The following TEK variants were observed in gnomAD, a reference collection of about 807,000 sequenced individuals.
TEK encodes the protein angiopoietin-1 receptor.
TEK carries 43 observed loss-of-function variants against 131.8 expected under a neutral mutation model. The ratio of observed to expected loss-of-function variants is 0.33; its 90% CI spans 0.26 to 0.42. The LOEUF (loss-of-function observed/expected upper bound fraction) is 0.42. Ranked by LOEUF, TEK falls within the 10% of genes least tolerant of loss-of-function variation. The pLI, the probability that TEK is intolerant of heterozygous loss-of-function variation, is 1.00. For missense variants in TEK, 1,162 were observed against 1,384.4 expected, an observed-to-expected ratio of 0.84 and a Z score of 2.55; for synonymous variants, 580 against 491.6, an observed-to-expected ratio of 1.18 and a Z score of -2.38.
chr9:27,208,365 G>T (rs79179509), intron 15 of TEK, among the ~76,000 whole-genome samples: 5,362 of 151,636 alleles, frequency 0.035, 128 homozygotes, highest in South Asian at 0.062. Flanking sequence ...TTTTAAAGCA[G>T]CCATAGCTCA....
At chr9:27,183,417 C>T (rs758685343) in intron 7 of TEK, 42 bp from the exon 8 acceptor site, 26 of 1,605,068 alleles carry the variant, frequency 1.6e-5, no homozygotes, top group Admixed American at 3.3e-5. Context: ...GCTGCTGGCT[C>T]TGTTAAATAT....
chr9:27,206,857 C>T, intron 15 of TEK, 65 bp downstream of exon 15: 1 of 1,550,140 alleles, frequency 6.5e-7, no homozygotes. Context: ...ATTTCCTGCT[C>T]ATTCTTTCCT....
At chr9:27,166,316 A>G (rs1823728960) in intron 2 of TEK, among the ~76,000 whole-genome samples, 1 of 152,272 alleles carries the variant, frequency 6.6e-6, no homozygotes, top group African/African-American at 2.4e-5. Context: ...ATGAATATTC[A>G]ACAGATCTCT....
At chr9:27,221,221 ATTCT>A (rs1826063100) in intron 21 of TEK, among the ~76,000 whole-genome samples, 1 of 152,190 alleles carries the variant, frequency 6.6e-6, no homozygotes, top group Non-Finnish European at 1.5e-5. Context: ...GCCTCTCTAG[ATTCT>A]TTCTATCTGG....
At position 27,180,322 on chromosome 9, in the gene TEK, A is replaced by G. The variant is rs1344915319; in HGVS notation, c.984A>G (p.Gly328=). The stretch of plus-strand genomic sequence containing the variant: ...GGGAGATGTGTGATCGCTTCCAAGG[A>G]TGTCTCTGCTCTCCAGGATGGCAGG... ...NNGEMCDRFQ[G]CLCSPGWQGL... The change falls in exon 7 of 23, where the codon GGA becomes GGG. Residue 328 remains glycine (G), a synonymous_variant. Transcript: ENST00000380036. 3 of 1,613,622 alleles carry G rather than the reference A, an allele frequency of 1.9e-6. No homozygotes were observed. Among genetic ancestry groups the G allele is most frequent in the Non-Finnish European group, 2.5e-6 (3 of 1,179,844 alleles).
intron 6 of TEK, 136 bp from the exon 7 acceptor site, chr9:27,180,104 C>A: frequency 7.9e-7 from 1 of 1,264,514 alleles, no homozygotes; most frequent in Non-Finnish European, 1.1e-6. Flanking sequence ...CCTGGTAATT[C>A]AGATAAATTA....
At chr9:27,177,419 A>G (rs1269934243) in intron 6 of TEK, among the ~76,000 whole-genome samples, 1 of 152,072 alleles carries the variant, frequency 6.6e-6, no homozygotes, top group Non-Finnish European at 1.5e-5. Context: ...GAGGTTGAGT[A>G]TTTTTCATAG....
intron 16 of TEK, among the ~76,000 whole-genome samples, chr9:27,212,361 A>T (rs1292333466): frequency 1.3e-5 from 2 of 152,198 alleles, no homozygotes. Context: ...TGAAAAGGTG[A>T]CGTGAAGAAC....
intron 1 of TEK, among the ~76,000 whole-genome samples, chr9:27,113,471 C>G (rs682067): frequency 0.69 from 104,813 of 151,984 alleles, 36,787 homozygotes; most frequent in Middle Eastern, 0.8. Flanking sequence ...GCCCGTAGTC[C>G]TAGCTACTCG....
intron 15 of TEK, among the ~76,000 whole-genome samples, chr9:27,207,169 T>C (rs900541391): frequency 3.9e-5 from 6 of 152,254 alleles, no homozygotes; most frequent in African/African-American, 9.6e-5. Context: ...CCACAATTTC[T>C]GACTCAGTCT....
chr9:27,196,762 C>CTTT (rs367911024), intron 11 of TEK, among the ~76,000 whole-genome samples: 227 of 99,276 alleles, frequency 2.3e-3, no homozygotes, highest in African/African-American at 8.3e-3. Flanking sequence ...GTGCTATACA[C>CTTT]TTTTTTTTTT....
rs1162875782 is a variant in TEK, at chr9:27,115,201, CTGAAT to C, written c.52+5563_52+5567del. 4.6e-5 allele frequency among the ~76,000 whole-genome samples: 7 copies of C among 152,174 alleles called. No homozygotes were observed. In the South Asian group the frequency reaches 1.0e-3, roughly 23 times the overall value. Reference sequence around the variant, plus strand: ...ATGATACAAAATGAAATAGCAATATCTGAATTGAGCATAAAGGTCTGGTGCAGTGG... The same window carrying C: ...ATGATACAAAATGAAATAGCAATATCTGAGCATAAAGGTCTGGTGCAGTGG... On this transcript the variant is annotated intron_variant, in intron 1 of 22. Coordinates refer to ENST00000380036, the MANE Select transcript of TEK (RefSeq NM_000459.5).
At position 27,190,441 on chromosome 9, in the gene TEK, A is replaced by G. The variant is rs975318678; in HGVS notation, c.1328-88A>G. On this transcript the variant is annotated intron_variant, in intron 9 of 22. Coordinates refer to ENST00000380036, the MANE Select transcript of TEK (RefSeq NM_000459.5). ...AAACTTTAAGAGGACTTTGTTGGAC[A>G]TGTAAAACATATCTTCTACCTCTAC... is the stretch of plus-strand genomic sequence containing the variant. 2.6e-6 allele frequency: 4 copies of G among 1,519,298 alleles called. No homozygotes were observed. In the Admixed American group the frequency reaches 5.2e-5, roughly 20 times the overall value. The allele number at this position is 1,519,298 out of a possible 1,614,324, so 94.1% of individuals were successfully genotyped here.
intron 12 of TEK, among the ~76,000 whole-genome samples, chr9:27,201,354 A>G (rs996094188): frequency 2.6e-5 from 4 of 152,204 alleles, no homozygotes. Flanking sequence ...GGCTTAGAAG[A>G]CCACTGGTTT....
At chr9:27,204,684 C>T (rs1825338294) in intron 13 of TEK, among the ~76,000 whole-genome samples, 2 of 146,878 alleles carry the variant, frequency 1.4e-5, no homozygotes, top group African/African-American at 5.0e-5. Context: ...TGTAACAGCA[C>T]TTTTGCATGT....
chr9:27,186,757 C>A (rs1446564251), intron 9 of TEK, among the ~76,000 whole-genome samples: 1 of 152,132 alleles, frequency 6.6e-6, no homozygotes, highest in Admixed American at 6.6e-5. Context: ...TTCGTTACTT[C>A]ATTAGTAATC....
chr9:27,219,141 T>C (rs1005270400), intron 20 of TEK, among the ~76,000 whole-genome samples: 3 of 152,184 alleles, frequency 2.0e-5, no homozygotes, highest in Non-Finnish European at 2.9e-5. Context: ...AGCCATTTAA[T>C]AGCATGTGAA....
At chr9:27,188,478 T>G (rs1369428892) in intron 9 of TEK, among the ~76,000 whole-genome samples, 3 of 152,204 alleles carry the variant, frequency 2.0e-5, no homozygotes, top group Non-Finnish European at 4.4e-5. Context: ...TGTAATAAAA[T>G]GTGCATCTGC....
At chr9:27,185,040 CA>C (rs112626612) in intron 8 of TEK, among the ~76,000 whole-genome samples, 35,848 of 144,050 alleles carry the variant, frequency 0.25, 4,969 homozygotes, top group Admixed American at 0.41. Context: ...TGTTGTCTCT[CA>C]AAAAAAAAAA....
Sources: allele counts gnomAD v4.1 joint callset (sites outside exome capture counted in the v4.1 genomes callset), GRCh38; gene constraint gnomAD v4.1.1; transcripts MANE v1.5; gene names NCBI Gene and HGNC (gene_info 2026-07-23, HGNC 2026-07-21).